WASF3: variants seen among roughly 807,000 people sequenced by gnomAD.
The protein encoded by WASF3 is WASP family member 3.
A neutral mutation model predicts 46.6 loss-of-function variants in WASF3; 11 were observed. The observed-to-expected ratio is 0.24, with a 90% confidence interval of 0.15 to 0.39. The LOEUF (loss-of-function observed/expected upper bound fraction) is 0.39. Among genes scored for constraint, WASF3 ranks in the 10% least tolerant of loss-of-function variants. The pLI is 1.00. For missense variants in WASF3, 576 were observed against 669.8 expected, an observed-to-expected ratio of 0.86 and a Z score of 1.55; for synonymous variants, 242 against 259.7, an observed-to-expected ratio of 0.93 and a Z score of 0.65.
At chr13:26,557,067 A>T (rs1879113687), upstream of WASF3, among the ~76,000 whole-genome samples, 1 of 152,136 alleles carries the variant, frequency 6.6e-6, no homozygotes, top group Non-Finnish European at 1.5e-5. Flanking sequence ...TGGCAGTTTC[A>T]GGGATATCTT....
At chr13:26,564,442 C>T (rs1280624253) in intron 1 of WASF3, among the ~76,000 whole-genome samples, 1 of 152,192 alleles carries the variant, frequency 6.6e-6, no homozygotes, top group African/African-American at 2.4e-5. Flanking sequence ...GATCTTTGAT[C>T]TTGGAATGCT....
At chr13:26,652,525 A>G (rs1882343240) in intron 3 of WASF3, among the ~76,000 whole-genome samples, 1 of 152,208 alleles carries the variant, frequency 6.6e-6, no homozygotes, top group Non-Finnish European at 1.5e-5. Flanking sequence ...GACTTAATTC[A>G]TCTTTGTATA....
At chr13:26,649,898 C>T (rs182009173) in intron 3 of WASF3, among the ~76,000 whole-genome samples, 600 of 151,776 alleles carry the variant, frequency 4.0e-3, no homozygotes, top group Non-Finnish European at 6.4e-3. Context: ...GGTGAAACCC[C>T]GTCTCTCTAA....
intron 1 of WASF3, among the ~76,000 whole-genome samples, chr13:26,566,018 G>A (rs504395): frequency 0.99 from 150,526 of 152,346 alleles, 74,387 homozygotes; most frequent in East Asian, 1. Flanking sequence ...TAGAACAGCT[G>A]CGTTACATTA....
chr13:26,663,632 C>A (rs931001697), intron 3 of WASF3, among the ~76,000 whole-genome samples: 1 of 152,102 alleles, frequency 6.6e-6, no homozygotes, highest in Non-Finnish European at 1.5e-5. Flanking sequence ...AAGAGGAATT[C>A]TTCTTGTTAA....
chr13:26,682,667 T>A lies in WASF3; in HGVS notation c.1044T>A (p.Pro348=), dbSNP rs142731011. 71 of 1,613,944 alleles carry A rather than the reference T, an allele frequency of 4.4e-5. No homozygotes were observed. The African/African-American group carries it at 5.2e-4, about 12-fold the overall frequency. ...YNPSGPPPPP[P]PPVIPSAQTA... ...CATCCGGACCACCTCCTCCGCCACCTCCTCCTGTGATTCCCTCAGCACAAA... is the reference window on the plus strand; with the variant it reads ...CATCCGGACCACCTCCTCCGCCACCACCTCCTGTGATTCCCTCAGCACAAA... The change falls in exon 9 of 10, where the codon CCT becomes CCA. Residue 348 remains proline, a synonymous_variant. Coordinates refer to ENST00000335327, the MANE Select transcript of WASF3 (RefSeq NM_006646.6). This position sits in a 1 kb window ranked among gnomAD's most constrained non-coding sequence, Gnocchi z 4.4.
Position 26,609,887 on chromosome 13 carries a change from T to C in WASF3, c.-108-3074T>C, listed in dbSNP as rs1273932728. 2.0e-5 allele frequency among the ~76,000 whole-genome samples: 3 copies of C among 152,256 alleles called. No individual in the cohort carries two copies. In the East Asian group the frequency reaches 5.8e-4, roughly 29 times the overall value. ...TAATAACACCTTCAGTACAACTATC[T>C]CAAGCCAAAAATCTTAGAAGAGTAC... On this transcript the variant is annotated intron_variant, in intron 1 of 9. Transcript: ENST00000335327.
In WASF3 at chr13:26,676,744, C is replaced by T. The variant is rs1259885682; in HGVS notation, c.716+20C>T. 8.8e-6 allele frequency: 14 copies of T among 1,599,468 alleles called. No individual in the cohort carries two copies. The highest frequency in any genetic ancestry group is 1.2e-5 in the Non-Finnish European group (14 of 1,172,802). On this transcript the variant is annotated intron_variant, in intron 7 of 9. Coordinates refer to ENST00000335327, the MANE Select transcript of WASF3 (RefSeq NM_006646.6). Reference sequence around the variant, plus strand: ...TACTAGGTGTGTGTGTGTCACTGCTCCCTCAGCCCTGATGCTTGGGCAACT... The same window carrying T: ...TACTAGGTGTGTGTGTGTCACTGCTTCCTCAGCCCTGATGCTTGGGCAACT...
chr13:26,569,040 C>A (rs1256675199), intron 1 of WASF3, among the ~76,000 whole-genome samples: 1 of 151,928 alleles, frequency 6.6e-6, no homozygotes, highest in Admixed American at 6.6e-5. Context: ...AAATTGCTGC[C>A]GTTTTAAATT....
chr13:26,595,018 G>C (rs139617562), intron 1 of WASF3, among the ~76,000 whole-genome samples: 1 of 152,134 alleles, frequency 6.6e-6, no homozygotes, highest in Non-Finnish European at 1.5e-5. Context: ...CCTTGATAAC[G>C]TAGTCTTCAA....
chr13:26,596,225 A>G (rs1428912330), intron 1 of WASF3, among the ~76,000 whole-genome samples: 1 of 150,038 alleles, frequency 6.7e-6, no homozygotes, highest in Non-Finnish European at 1.5e-5. Flanking sequence ...GCATTCTTCT[A>G]ATGCCTAATA....
chr13:26,667,746 A>G lies in WASF3; in HGVS notation c.422+76A>G, dbSNP rs553950827. 4.3e-5 allele frequency: 61 copies of G among 1,427,992 alleles called. No homozygotes were observed. In the Middle Eastern group the frequency reaches 5.5e-4, roughly 13 times the overall value. The allele number at this position is 1,427,992 out of a possible 1,614,324, so 88.5% of individuals were successfully genotyped here. On this transcript the variant is annotated intron_variant, in intron 5 of 9. Transcript: ENST00000335327. ...GGCAGAGCTGGGAGCAAGCTGATGC[A>G]TTGTGTGGGAATGTCCTTGATGGTT...
chr13:26,675,141 T>G (rs762060597), intron 6 of WASF3, among the ~76,000 whole-genome samples: 7 of 151,880 alleles, frequency 4.6e-5, no homozygotes, highest in Admixed American at 1.3e-4. Context: ...CCTCTTTTAA[T>G]TTGTTTTCTG....
At chr13:26,663,359 C>T (rs1217606636) in intron 3 of WASF3, among the ~76,000 whole-genome samples, 2 of 152,310 alleles carry the variant, frequency 1.3e-5, no homozygotes, top group Non-Finnish European at 2.9e-5. Flanking sequence ...AGCATTAATT[C>T]TGGATGCTGC....
At chr13:26,633,323 C>G (rs143776644) in intron 2 of WASF3, among the ~76,000 whole-genome samples, 2,535 of 151,148 alleles carry the variant, frequency 0.017, 36 homozygotes, top group African/African-American at 0.045. Context: ...CTGCCTCAGC[C>G]TCCCGAGTAG....
intron 5 of WASF3, 108 bp downstream of exon 5, chr13:26,667,778 G>A: frequency 3.6e-6 from 4 of 1,107,744 alleles, no homozygotes; most frequent in East Asian, 2.6e-5. Context: ...GGTTCATCTG[G>A]GTTAAAATCA....
chr13:26,669,024 ATTCTG>A (rs886168801), intron 5 of WASF3, among the ~76,000 whole-genome samples: 21 of 152,068 alleles, frequency 1.4e-4, no homozygotes, highest in African/African-American at 4.8e-4. Flanking sequence ...CTCACTGGAA[ATTCTG>A]TTCTAAGGAA....
intron 4 of WASF3, among the ~76,000 whole-genome samples, chr13:26,666,863 T>C (rs1316808159): frequency 1.2e-5 from 1 of 84,606 alleles, no homozygotes; most frequent in African/African-American, 5.7e-5. Flanking sequence ...AGCAAGACTG[T>C]CTCAAAAAAA....
chr13:26,680,999 C>T, intron 7 of WASF3, 55 bp from the exon 8 acceptor site: 1 of 1,556,752 alleles, frequency 6.4e-7, no homozygotes, highest in South Asian at 1.2e-5. Context: ...TGCCTGTTAG[C>T]CGACAATTTT....
Sources: allele counts gnomAD v4.1 joint callset (sites outside exome capture counted in the v4.1 genomes callset), GRCh38; gene constraint gnomAD v4.1.1; non-coding constraint Gnocchi (gnomAD v3.1); transcripts MANE v1.5; gene names NCBI Gene and HGNC (gene_info 2026-07-23, HGNC 2026-07-21).